ZNF524: variants seen among roughly 807,000 people sequenced by gnomAD.
The protein encoded by ZNF524 is zinc finger protein 524.
For missense variants in ZNF524, 388 were observed against 380.1 expected (o/e 1.02, Z -0.17); for synonymous variants, 194 against 166.3 (o/e 1.17, Z -1.28).
rs779900072 is a variant in ZNF524, at chr19:55,602,910, C to T, written c.*3C>T. On this transcript the variant is annotated 3_prime_UTR_variant, in exon 2 of 2. Coordinates refer to ENST00000301073, the MANE Select transcript of ZNF524 (RefSeq NM_153219.4). ...AGGGGAAAGGGGAGCCGGCCTGACC[C>T]ACACCCCCGGCCATCGCTCCCTGGG... 10 of 1,552,348 alleles carry T rather than the reference C, an allele frequency of 6.4e-6. No individual in the cohort carries two copies. The African/African-American group carries it at 1.4e-4, about 21-fold the overall frequency.
In ZNF524 at chr19:55,602,873, AG is replaced by A. The variant is rs1239394107; in HGVS notation, c.763del (p.Glu255ArgfsTer?). On this transcript the variant is annotated frameshift_variant, in exon 2 of 2. Coordinates refer to ENST00000301073, the MANE Select transcript of ZNF524 (RefSeq NM_153219.4). LOFTEE classifies it high-confidence loss of function. Reference protein sequence around the residue: ...GIPATAGAEEEEETEGKGEPA With the variant: ...GIPATAGAEEXEETEGKGEPA Reference sequence around the variant, plus strand: ...CCGGCCACAGCAGGGGCCGAGGAGGAGGAGGAGACAGAGGGGAAAGGGGAGC... The same window carrying A: ...CCGGCCACAGCAGGGGCCGAGGAGGAGAGGAGACAGAGGGGAAAGGGGAGC... 2 of 1,592,930 alleles carry A rather than the reference AG, an allele frequency of 1.3e-6. No homozygotes were observed. Among genetic ancestry groups the A allele is most frequent in the Non-Finnish European group, 1.7e-6 (2 of 1,170,900 alleles).
At chr19:55,601,754 G>T in intron 1 of ZNF524, 1 of 168,872 alleles carries the variant, frequency 5.9e-6, no homozygotes, top group East Asian at 1.6e-4. Context: ...ACTCTCAGTT[G>T]GACTCTATCC....
intron 1 of ZNF524, 62 bp from the exon 2 acceptor site, chr19:55,602,013 T>C (rs879259215): frequency 3.0e-5 from 34 of 1,127,906 alleles, no homozygotes; most frequent in Non-Finnish European, 4.2e-5. Flanking sequence ...GGGCGAGGTG[T>C]TGGGGGACAC....
chr19:55,600,101 T>C (rs937461714), upstream of ZNF524: 1 of 152,208 alleles, frequency 6.6e-6, no homozygotes, highest in African/African-American at 2.4e-5. Flanking sequence ...GATGTGGTGC[T>C]GGGTTATTTC....
rs956655932 is a variant in ZNF524 at position 55,602,181 on chromosome 19, A to G, written c.69A>G (p.Leu23=). ...LPGEEEKPLA[L]SPPVPRGRRG... is the part of the protein sequence containing the mutation. ...GGGAGGAAGAGAAACCTCTGGCCTTATCTCCTCCTGTTCCCCGGGGCCGCC... is the reference window on the plus strand; with the variant it reads ...GGGAGGAAGAGAAACCTCTGGCCTTGTCTCCTCCTGTTCCCCGGGGCCGCC... The change falls in exon 2 of 2, where the codon TTA becomes TTG. Residue 23 remains leucine, a synonymous_variant. Coordinates refer to ENST00000301073, the MANE Select transcript of ZNF524 (RefSeq NM_153219.4). The G allele has an allele frequency of 1.2e-6, 2 of 1,607,722 alleles. No individual in the cohort carries two copies. Among genetic ancestry groups the G allele is most frequent in the African/African-American group, 1.3e-5 (1 of 74,800 alleles).
At chr19:55,601,881 G>A (rs1980698249) in intron 1 of ZNF524, 194 bp from the exon 2 acceptor site, 1 of 406,486 alleles carries the variant, frequency 2.5e-6, no homozygotes, top group Non-Finnish European at 4.3e-6. Flanking sequence ...TGGAGCTCAG[G>A]GAAGTGCCTG....
rs1227710595 is a variant in ZNF524 at position 55,602,424 on chromosome 19, T to C, written c.312T>C (p.Pro104=). ...TCTCTGAAGGTTCAGCGGCTGGGCC[T>C]GAGGGCTCTGGCCCCAGGAAGGCCC... ...YTVSEGSAAG[P]EGSGPRKAPH... Residue 104 remains proline, a synonymous_variant, in exon 2 of 2, where the codon CCT becomes CCC. Transcript: ENST00000301073. The C allele has an allele frequency of 6.3e-7, 1 of 1,592,076 alleles. No homozygotes were observed. The highest frequency in any genetic ancestry group is 2.3e-5 in the East Asian group (1 of 43,634).
At position 55,602,619 on chromosome 19, in the gene ZNF524, C is replaced by T; in HGVS notation, c.507C>T (p.Pro169=). The T allele has an allele frequency of 6.3e-7, 1 of 1,581,078 alleles. No individual in the cohort carries two copies. Among genetic ancestry groups the T allele is most frequent in the South Asian group, 1.1e-5 (1 of 88,860 alleles). The part of the protein sequence containing the change: ...RHCNIHAGLR[P]FRCPLCPRRF... ...GCAACATCCATGCCGGCCTGCGGCCCTTCCGCTGCCCGCTGTGCCCCCGCC... is the reference window on the plus strand; with the variant it reads ...GCAACATCCATGCCGGCCTGCGGCCTTTCCGCTGCCCGCTGTGCCCCCGCC... Residue 169 remains proline (P), a synonymous_variant, in exon 2 of 2, where the codon CCC becomes CCT. Transcript: ENST00000301073.
chr19:55,602,911 A>C lies in ZNF524; in HGVS notation c.*4A>C. 1 of 1,550,656 alleles carries C rather than the reference A, an allele frequency of 6.4e-7. No homozygotes were observed. Among genetic ancestry groups the C allele is most frequent in the African/African-American group, 1.4e-5 (1 of 73,894 alleles). On this transcript the variant is annotated 3_prime_UTR_variant, in exon 2 of 2. Coordinates refer to ENST00000301073, the MANE Select transcript of ZNF524 (RefSeq NM_153219.4). ...GGGGAAAGGGGAGCCGGCCTGACCC[A>C]CACCCCCGGCCATCGCTCCCTGGGC...
chr19:55,602,746 A>G lies in ZNF524; in HGVS notation c.634A>G (p.Thr212Ala). 2 of 1,608,144 alleles carry G rather than the reference A, an allele frequency of 1.2e-6. No homozygotes were observed. The highest frequency in any genetic ancestry group is 2.2e-5 in the South Asian group (2 of 91,008). ...ICRLRFTEAN[T>A]LRRHAKRKHP... ...CCGGCTGCGCTTTACAGAGGCCAAC[A>G]CGCTCCGGCGCCATGCGAAGCGCAA... The change falls in exon 2 of 2, where the codon ACG becomes GCG. Residue 212 changes from threonine (T) to alanine (A), a missense_variant. Physicochemically the swap from Thr to Ala is moderately conservative, Grantham distance 58. Transcript: ENST00000301073.
chr19:55,602,268 C>T lies in ZNF524; in HGVS notation c.156C>T (p.Arg52=). 6.3e-7 allele frequency: 1 copy of T among 1,598,772 alleles called. No individual in the cohort carries two copies. Among genetic ancestry groups the T allele is most frequent in the South Asian group, 1.1e-5 (1 of 88,996 alleles). Residue 52 remains arginine (R), a synonymous_variant, in exon 2 of 2, where the codon CGC becomes CGT. Coordinates refer to ENST00000301073, the MANE Select transcript of ZNF524 (RefSeq NM_153219.4). ...GGACACTCAAGGCCTCCCTCCCTCG[C>T]AAGCGGGGCCGCCCCCCCAAGTCAG... is the stretch of plus-strand genomic sequence containing the variant. ...SNRTLKASLP[R]KRGRPPKSGQ...
chr19:55,602,154 C>A lies in ZNF524; in HGVS notation c.42C>A (p.Pro14=). Residue 14 remains proline, a synonymous_variant, in exon 2 of 2, where the codon CCC becomes CCA. Transcript: ENST00000301073. The part of the protein sequence containing the change: ...PSPDPLPSPL[P]GEEEKPLALS... ...CAGACCCGTTGCCTTCGCCTTTGCC[C>A]GGGGAGGAAGAGAAACCTCTGGCCT... 3 of 1,572,378 alleles carry A rather than the reference C, an allele frequency of 1.9e-6. No homozygotes were observed. In the South Asian group the frequency reaches 3.5e-5, roughly 18 times the overall value.
At chr19:55,599,994 T>C (rs866712558), upstream of ZNF524, 3 of 152,198 alleles carry the variant, frequency 2.0e-5, no homozygotes, top group Non-Finnish European at 4.4e-5. Flanking sequence ...TTACGGGCAC[T>C]GGGCAGCCAT....
Position 55,603,137 on chromosome 19 carries a change from G to T in ZNF524, c.*230G>T, listed in dbSNP as rs1980789549. 1.7e-6 allele frequency: 1 copy of T among 585,958 alleles called. No individual in the cohort carries two copies. The highest frequency in any genetic ancestry group is 3.1e-6 in the Non-Finnish European group (1 of 326,670). The allele number at this position is 585,958 out of a possible 1,614,324, so 36.3% of individuals were successfully genotyped here. A position where few individuals can be genotyped will look rare whatever the true frequency, so the allele number is the denominator to read the frequency against. ...TGTGGAAATAAATCTCTGCCTGCTG[G>T]CTGCCTGTGTGTGTTCCGTGCCGGG... is the stretch of plus-strand genomic sequence containing the variant. On this transcript the variant is annotated 3_prime_UTR_variant, in exon 2 of 2. Coordinates refer to ENST00000301073, the MANE Select transcript of ZNF524 (RefSeq NM_153219.4).
Position 55,602,882 on chromosome 19 carries a change from CAG to C in ZNF524, c.773_774del (p.Glu258GlyfsTer20), listed in dbSNP as rs748315241. Reference sequence around the variant, plus strand: ...GCAGGGGCCGAGGAGGAGGAGGAGACAGAGGGGAAAGGGGAGCCGGCCTGACC... The same window carrying C: ...GCAGGGGCCGAGGAGGAGGAGGAGACAGGGGAAAGGGGAGCCGGCCTGACC... On this transcript the variant is annotated frameshift_variant, in exon 2 of 2. Transcript: ENST00000301073. LOFTEE classifies it high-confidence loss of function. The C allele has an allele frequency of 2.5e-6, 4 of 1,588,574 alleles. No individual in the cohort carries two copies. Among genetic ancestry groups the C allele is most frequent in the South Asian group, 2.3e-5 (2 of 87,984 alleles).
upstream of ZNF524, chr19:55,600,020 C>T (rs1030174778): frequency 5.9e-5 from 9 of 152,270 alleles, no homozygotes; most frequent in African/African-American, 2.2e-4. Context: ...CGCTCCTCAT[C>T]ATTCGGTATC....
At chr19:55,600,445 G>GT (rs1555777525) in intron 1 of ZNF524, 37 bp downstream of exon 1, 1 of 146,108 alleles carries the variant, frequency 6.8e-6, no homozygotes, top group Admixed American at 6.7e-5. Flanking sequence ...GGGAGGGGGG[G>GT]TGTGGGGGTA....
rs1980759415 is a variant in ZNF524, at chr19:55,602,728, C to T, written c.616C>T (p.Arg206Cys). 6.2e-7 allele frequency: 1 copy of T among 1,606,024 alleles called. No individual in the cohort carries two copies. The change falls in exon 2 of 2, where the codon CGC becomes TGC. Residue 206 changes from arginine to cysteine, a missense_variant. Transcript: ENST00000301073. The part of the protein sequence containing the change: ...RPYQCPICRL[R>C]FTEANTLRRH... ...GTACCAGTGCCCCATCTGCCGGCTG[C>T]GCTTTACAGAGGCCAACACGCTCCG...
Position 55,602,255 on chromosome 19 carries a change from C to T in ZNF524, c.143C>T (p.Ala48Val). ...GATSSNRTLK[A>V]SLPRKRGRPP... ...ACCTCCTCAAATCGGACACTCAAGGCCTCCCTCCCTCGCAAGCGGGGCCGC... is the reference window on the plus strand; with the variant it reads ...ACCTCCTCAAATCGGACACTCAAGGTCTCCCTCCCTCGCAAGCGGGGCCGC... Residue 48 changes from alanine (A) to valine (V), a missense_variant, in exon 2 of 2, where the codon GCC (alanine) becomes GTC (valine). Transcript: ENST00000301073. 6.2e-7 allele frequency: 1 copy of T among 1,608,570 alleles called. No homozygotes were observed. The highest frequency in any genetic ancestry group is 8.5e-7 in the Non-Finnish European group (1 of 1,177,876).
Sources: gnomAD v4.1 joint callset for allele counts on GRCh38, gnomAD v4.1.1 for gene constraint, MANE v1.5 for transcripts, NCBI Gene and HGNC (gene_info 2026-07-23, HGNC 2026-07-21) for gene names.